MYH15: variants seen among roughly 807,000 people sequenced by gnomAD.
MYH15 encodes the protein myosin-15.
A neutral mutation model predicts 240.5 loss-of-function variants in MYH15; 227 were observed. That is an observed-to-expected ratio of 0.94 (90% confidence interval 0.85 to 1.05). MYH15 has a LOEUF of 1.05. Among genes scored for constraint, MYH15 ranks in the 50% least tolerant of loss-of-function variants. The pLI, the probability that MYH15 is intolerant of heterozygous loss-of-function variation, is 0.00. For missense variants in MYH15, 2,217 were observed against 2,247.5 expected (o/e 0.99, Z 0.27); for synonymous variants, 785 against 796.7 (o/e 0.99, Z 0.25).
At chr3:108,523,991 C>T (rs1576282669) in intron 1 of MYH15, among the ~76,000 whole-genome samples, 1 of 151,420 alleles carries the variant, frequency 6.6e-6, no homozygotes, top group Non-Finnish European at 1.5e-5. Context: ...GGTTTTTTGC[C>T]GTTATAAAAA....
intron 11 of MYH15, among the ~76,000 whole-genome samples, chr3:108,478,433 G>T (rs1250281141): frequency 2.0e-5 from 3 of 152,156 alleles, no homozygotes; most frequent in African/African-American, 7.2e-5. Flanking sequence ...GAGCAGACAT[G>T]CCCATCCTAT....
intron 2 of MYH15, among the ~76,000 whole-genome samples, chr3:108,502,364 A>G (rs544141714): frequency 3.3e-5 from 5 of 152,138 alleles, no homozygotes; most frequent in African/African-American, 1.2e-4. Context: ...CATTTGTACT[A>G]TCTTTACATT....
At chr3:108,469,729 G>A (rs1353703758) in intron 14 of MYH15, among the ~76,000 whole-genome samples, 1 of 152,212 alleles carries the variant, frequency 6.6e-6, no homozygotes. Context: ...TTAGCTCTGT[G>A]TTTTTCCAGT....
intron 15 of MYH15, 75 bp from the exon 16 acceptor site, chr3:108,463,318 C>T (rs1019813993): frequency 4.1e-6 from 6 of 1,466,452 alleles, no homozygotes; most frequent in East Asian, 2.3e-5. Flanking sequence ...CTGTGCATTA[C>T]CCCTTTTTTT....
intron 11 of MYH15, among the ~76,000 whole-genome samples, chr3:108,482,863 A>G (rs948199343): frequency 6.6e-6 from 1 of 152,180 alleles, no homozygotes; most frequent in Non-Finnish European, 1.5e-5. Flanking sequence ...CCTAGCATCA[A>G]GAATAGTCCC....
At chr3:108,493,305 A>AC (rs1491196644) in intron 7 of MYH15, 128 bp from the exon 8 acceptor site, 3 of 175,466 alleles carry the variant, frequency 1.7e-5, no homozygotes, top group Non-Finnish European at 3.1e-5. Context: ...AAAAACAAAC[A>AC]AAAAAAAAAA....
intron 25 of MYH15, among the ~76,000 whole-genome samples, chr3:108,431,452 G>A (rs1425119196): frequency 6.6e-6 from 1 of 152,204 alleles, no homozygotes; most frequent in Non-Finnish European, 1.5e-5. Flanking sequence ...GAGTTCTCCT[G>A]CACAAGTTCT....
At chr3:108,421,445 C>A (rs1322087212) in intron 27 of MYH15, among the ~76,000 whole-genome samples, 1 of 152,182 alleles carries the variant, frequency 6.6e-6, no homozygotes, top group Non-Finnish European at 1.5e-5. Context: ...ACGGGAGACA[C>A]CCAACTTCCT....
chr3:108,416,055 T>C (rs1037732915), intron 29 of MYH15, among the ~76,000 whole-genome samples: 4 of 152,338 alleles, frequency 2.6e-5, no homozygotes, highest in East Asian at 3.8e-4. Flanking sequence ...ATTTGACTGA[T>C]ATGAAGATTG....
At chr3:108,505,387 A>G (rs2083467680) in intron 2 of MYH15, among the ~76,000 whole-genome samples, 4 of 152,096 alleles carry the variant, frequency 2.6e-5, no homozygotes, top group African/African-American at 7.2e-5. Flanking sequence ...CTCCCACCTC[A>G]GCCTTCCAAG....
chr3:108,480,467 G>A (rs922014473), intron 11 of MYH15, among the ~76,000 whole-genome samples: 9 of 152,164 alleles, frequency 5.9e-5, no homozygotes, highest in Non-Finnish European at 1.3e-4. Flanking sequence ...AAAGAATGGG[G>A]AAATGTTAAA....
intron 1 of MYH15, among the ~76,000 whole-genome samples, chr3:108,526,980 T>C (rs191084748): frequency 7.0e-4 from 106 of 152,322 alleles, no homozygotes; most frequent in African/African-American, 7.2e-4. Flanking sequence ...CATTTCAATA[T>C]TCTTACTTCT....
chr3:108,491,300 G>A (rs2083345698), intron 9 of MYH15, among the ~76,000 whole-genome samples: 1 of 152,166 alleles, frequency 6.6e-6, no homozygotes, highest in Non-Finnish European at 1.5e-5. Context: ...TGATTAAAAA[G>A]CAGTGCCTGG....
At chr3:108,495,919 A>G in intron 6 of MYH15, 47 bp from the exon 7 acceptor site, 2 of 1,432,610 alleles carry the variant, frequency 1.4e-6, no homozygotes, top group South Asian at 2.6e-5. Flanking sequence ...TATTAGTAGA[A>G]TTCTGTAATG....
upstream of MYH15, among the ~76,000 whole-genome samples, chr3:108,513,503 T>C (rs1180560087): frequency 2.0e-5 from 3 of 152,178 alleles, no homozygotes; most frequent in African/African-American, 7.2e-5. Flanking sequence ...GCTTGATTTA[T>C]CAATACATAC....
At chr3:108,530,068 C>T (rs1410013144), upstream of MYH15, among the ~76,000 whole-genome samples, 4 of 152,288 alleles carry the variant, frequency 2.6e-5, no homozygotes, top group African/African-American at 9.6e-5. Context: ...TTTGTTCCTG[C>T]AAGCCAGAGT....
At chr3:108,527,941 G>C (rs1280189637) in intron 1 of MYH15, among the ~76,000 whole-genome samples, 2 of 152,196 alleles carry the variant, frequency 1.3e-5, no homozygotes, top group Non-Finnish European at 2.9e-5. Flanking sequence ...GAAGTTCAAG[G>C]TTGAGGAGTC....
At chr3:108,427,776 C>T (rs2082738157) in intron 27 of MYH15, among the ~76,000 whole-genome samples, 1 of 152,202 alleles carries the variant, frequency 6.6e-6, no homozygotes, top group African/African-American at 2.4e-5. Flanking sequence ...TAACCATAGT[C>T]CATGGAGATC....
chr3:108,465,865 T>A (rs1018453397), intron 14 of MYH15, among the ~76,000 whole-genome samples: 7 of 152,138 alleles, frequency 4.6e-5, no homozygotes, highest in Non-Finnish European at 7.4e-5. Flanking sequence ...AGGCACAGGT[T>A]GCAGTGAGCC....
Sources: gnomAD v4.1 joint callset for allele counts (sites outside exome capture counted in the v4.1 genomes callset) on GRCh38, gnomAD v4.1.1 for gene constraint, MANE v1.5 for transcripts, NCBI Gene and HGNC (gene_info 2026-07-23, HGNC 2026-07-21) for gene names.